The following BMP2K variants were observed in gnomAD, a reference collection of about 807,000 sequenced individuals.
The protein encoded by BMP2K is BMP2 inducible kinase.
In BMP2K, 74 loss-of-function variants were observed where a neutral mutation model predicts 116.0. That is an observed-to-expected ratio of 0.64 (90% confidence interval 0.53 to 0.77). BMP2K has a LOEUF of 0.77. Among genes scored for constraint, BMP2K ranks in the 30% least tolerant of loss-of-function variants. BMP2K has a pLI of 0.00. For synonymous variants in BMP2K, 486 were observed against 502.5 expected (o/e 0.97, Z 0.44); for missense variants, 1,365 against 1,403.6 (o/e 0.97, Z 0.44).
chr4:78,871,807 C>CA, intron 11 of BMP2K, 43 bp from the exon 12 acceptor site: 1 of 1,404,072 alleles, frequency 7.1e-7, no homozygotes, highest in Non-Finnish European at 1.0e-6. Flanking sequence ...GGCTCTGACA[C>CA]AAAAAAGGCA....
At chr4:78,797,884 G>A (rs1180916981) in intron 1 of BMP2K, among the ~76,000 whole-genome samples, 2 of 152,126 alleles carry the variant, frequency 1.3e-5, no homozygotes, top group Non-Finnish European at 2.9e-5. Context: ...GCATTGGCAT[G>A]ATCATAGAGC....
chr4:78,801,721 T>C (rs1393763171), intron 1 of BMP2K, among the ~76,000 whole-genome samples: 1 of 152,180 alleles, frequency 6.6e-6, no homozygotes, highest in Non-Finnish European at 1.5e-5. Context: ...TTTATCCCAG[T>C]AAGACTAAAG....
intron 15 of BMP2K, among the ~76,000 whole-genome samples, 196 bp from the exon 16 acceptor site, chr4:78,910,414 A>G (rs1734524570): frequency 6.6e-6 from 1 of 152,216 alleles, no homozygotes; most frequent in Non-Finnish European, 1.5e-5. Flanking sequence ...GTCTGTCTAC[A>G]TTAAGACTTA....
intron 11 of BMP2K, 35 bp downstream of exon 11, chr4:78,871,095 GTGAAAT>G (rs1732334463): frequency 1.3e-6 from 2 of 1,591,364 alleles, no homozygotes; most frequent in Middle Eastern, 1.7e-4. Flanking sequence ...TGGAAGTAGT[GTGAAAT>G]TGATGCAGCA....
chr4:78,847,143 TA>T, intron 5 of BMP2K, 44 bp from the exon 6 acceptor site: 1 of 961,024 alleles, frequency 1.0e-6, no homozygotes, highest in South Asian at 3.2e-5. Flanking sequence ...CTTTTTTTTA[TA>T]TATATATATA....
chr4:78,860,881 A>G (rs1057120640), intron 8 of BMP2K, among the ~76,000 whole-genome samples: 6 of 149,858 alleles, frequency 4.0e-5, no homozygotes, highest in African/African-American at 1.5e-4. Flanking sequence ...GACTCATTCG[A>G]CATTTACTCA....
rs1267152805 is a variant in BMP2K at position 78,799,976 on chromosome 4, G to A, written c.178+23255G>A. 5.3e-5 allele frequency among the ~76,000 whole-genome samples: 8 copies of A among 152,232 alleles called. No homozygotes were observed. The East Asian group carries it at 1.3e-3, about 26-fold the overall frequency. ...TTAAGTGCGGGGAATAGTGGAAGTC[G>A]GTGAGCAGGATATGCCGTACTCTGA... is the stretch of plus-strand genomic sequence containing the variant. On this transcript the variant is annotated intron_variant, in intron 1 of 15. Coordinates refer to ENST00000502613, the MANE Select transcript of BMP2K (RefSeq NM_198892.2).
At chr4:78,899,786 G>A (rs1057346730) in intron 15 of BMP2K, among the ~76,000 whole-genome samples, 2 of 152,086 alleles carry the variant, frequency 1.3e-5, no homozygotes, top group Admixed American at 6.6e-5. Context: ...AAAATAATGC[G>A]GTTGGAATCC....
At chr4:78,888,754 A>G (rs1299907721) in intron 15 of BMP2K, among the ~76,000 whole-genome samples, 1 of 152,200 alleles carries the variant, frequency 6.6e-6, no homozygotes. Flanking sequence ...ATGGGTATTT[A>G]TATTAGATTT....
intron 15 of BMP2K, among the ~76,000 whole-genome samples, chr4:78,890,039 A>G (rs879334106): frequency 1.3e-5 from 2 of 152,092 alleles, no homozygotes; most frequent in Non-Finnish European, 1.5e-5. Flanking sequence ...TTTAACCTCA[A>G]CTTTGATACT....
chr4:78,835,627 CA>C (rs561192085), intron 3 of BMP2K, among the ~76,000 whole-genome samples: 2,912 of 69,364 alleles, frequency 0.042, 39 homozygotes, highest in African/African-American at 0.073. Flanking sequence ...GACTCCGTGT[CA>C]AAAAAAAAAA....
chr4:78,828,857 G>A (rs796246720), intron 2 of BMP2K, among the ~76,000 whole-genome samples: 3 of 152,244 alleles, frequency 2.0e-5, no homozygotes, highest in Admixed American at 1.3e-4. Context: ...TTGCTTTGAT[G>A]TTGAAGGCTG....
intron 1 of BMP2K, among the ~76,000 whole-genome samples, chr4:78,792,201 A>G (rs1318249836): frequency 6.6e-6 from 1 of 152,240 alleles, no homozygotes; most frequent in African/African-American, 2.4e-5. Flanking sequence ...CAATATTGTT[A>G]TAGAACATAA....
intron 1 of BMP2K, among the ~76,000 whole-genome samples, chr4:78,789,395 C>A (rs1246688000): frequency 1.3e-5 from 2 of 152,072 alleles, no homozygotes; most frequent in African/African-American, 2.4e-5. Flanking sequence ...TAATTGGCTC[C>A]TATGCTGTAT....
chr4:78,886,392 T>G (rs1183116268), intron 14 of BMP2K, among the ~76,000 whole-genome samples: 4 of 152,218 alleles, frequency 2.6e-5, no homozygotes, highest in Non-Finnish European at 5.9e-5. Context: ...AATTCCTGTT[T>G]CCCTGCACTA....
chr4:78,857,244 G>A (rs1374500199), intron 7 of BMP2K, among the ~76,000 whole-genome samples: 1 of 151,962 alleles, frequency 6.6e-6, no homozygotes, highest in African/African-American at 2.4e-5. Context: ...TTGATTTTAT[G>A]TCACATAAAT....
Position 78,870,928 on chromosome 4 carries a change from C to CCAGCAGCAG in BMP2K, c.1395_1403dup (p.Gln484_Gln486dup), listed in dbSNP as rs3063772. 18 of 1,599,336 alleles carry CCAGCAGCAG rather than the reference C, an allele frequency of 1.1e-5. No homozygotes were observed. Among genetic ancestry groups the CCAGCAGCAG allele is most frequent in the Middle Eastern group, 1.7e-4 (1 of 6,018 alleles). On this transcript the variant is annotated inframe_insertion, in exon 11 of 16. Transcript: ENST00000502613. ...TCCATTTACAGCATCGTCATCCTCACCAGCAGCAGCAGCAGCAGCAGCAGC... is the reference window on the plus strand; with the variant it reads ...TCCATTTACAGCATCGTCATCCTCACCAGCAGCAGCAGCAGCAGCAGCAGCAGCAGCAGC...
intron 1 of BMP2K, among the ~76,000 whole-genome samples, chr4:78,802,884 C>G (rs1422727930): frequency 6.6e-6 from 1 of 151,290 alleles, no homozygotes; most frequent in Non-Finnish European, 1.5e-5. Flanking sequence ...GAGTCTTGCT[C>G]TGTTGCCCAG....
intron 5 of BMP2K, among the ~76,000 whole-genome samples, chr4:78,846,974 G>A (rs915752217): frequency 6.6e-6 from 1 of 151,328 alleles, no homozygotes; most frequent in Non-Finnish European, 1.5e-5. Context: ...TAGAAATACT[G>A]TTGTATTTAT....
Sources: allele counts gnomAD v4.1 joint callset (sites outside exome capture counted in the v4.1 genomes callset), GRCh38; gene constraint gnomAD v4.1.1; transcripts MANE v1.5; gene names NCBI Gene and HGNC (gene_info 2026-07-23, HGNC 2026-07-21).